Variants in MAX observed in about 807,000 individuals in gnomAD.
MAX encodes the protein MYC associated transcriptional regulator X.
Under a neutral mutation model 22.3 loss-of-function variants are expected in MAX, and 3 were observed. That is an observed-to-expected ratio of 0.13 (90% CI 0.06 to 0.35). MAX has a LOEUF of 0.35. MAX is among the 10% of genes least tolerant of loss of function. The pLI is 1.00. For missense variants in MAX, 119 were observed against 209.4 expected (o/e 0.57, Z 2.66); for synonymous variants, 72 against 77.7 (o/e 0.93, Z 0.39).
intron 3 of MAX, among the ~76,000 whole-genome samples, chr14:65,052,631 T>C (rs941726383): frequency 1.3e-5 from 2 of 152,196 alleles, no homozygotes; most frequent in African/African-American, 4.8e-5. Context: ...TTAGTAGTAT[T>C]ACCAGAATAC....
At chr14:65,042,334 G>A (rs1377337220) in intron 3 of MAX, among the ~76,000 whole-genome samples, 4 of 152,200 alleles carry the variant, frequency 2.6e-5, no homozygotes, top group African/African-American at 9.7e-5. Context: ...CCCTGAGCTT[G>A]TTTTCTTTCA....
At chr14:65,091,321 G>GA (rs1340667281) in intron 3 of MAX, among the ~76,000 whole-genome samples, 1 of 152,212 alleles carries the variant, frequency 6.6e-6, no homozygotes, top group Admixed American at 6.5e-5. Context: ...TTTTAAAGAG[G>GA]AAGAGGTTGA....
intron 2 of MAX, among the ~76,000 whole-genome samples, chr14:65,095,066 C>A (rs781413838): frequency 2.1e-4 from 32 of 152,224 alleles, no homozygotes; most frequent in Admixed American, 1.6e-3. Context: ...AGACAAAAAT[C>A]TATCAAGAGT....
intron 1 of MAX, among the ~76,000 whole-genome samples, chr14:65,102,063 G>A (rs1010448823): frequency 6.6e-6 from 1 of 152,200 alleles, no homozygotes; most frequent in Non-Finnish European, 1.5e-5. Context: ...CCTCCCGCAA[G>A]GGAGGAGGTG....
chr14:65,012,838 ACTTTTCATAT>A lies in MAX; in HGVS notation c.172-6564_172-6555del, dbSNP rs1373638266. Among the ~76,000 whole-genome samples, 11 of 152,250 alleles carry A rather than the reference ACTTTTCATAT, an allele frequency of 7.2e-5. No homozygotes were observed. Among genetic ancestry groups the A allele is most frequent in the African/African-American group, 2.4e-4 (10 of 41,470 alleles). ...CACCACTCCTTCTAGTAAGTACATT[ACTTTTCATAT>A]CTTCATTAAAGAGACAAAAAACCCT... is the stretch of plus-strand genomic sequence containing the variant. On this transcript the variant is annotated intron_variant, in intron 3 of 3. Transcript: ENST00000341653. The surrounding 1 kb of genome is among the most constrained non-coding windows in gnomAD (Gnocchi z 5.0).
intron 3 of MAX, among the ~76,000 whole-genome samples, chr14:65,026,706 C>CA (rs1430077930): frequency 6.6e-6 from 1 of 151,896 alleles, no homozygotes; most frequent in Non-Finnish European, 1.5e-5. Flanking sequence ...ACTGAAAATA[C>CA]AAAAAATTGG....
chr14:65,075,088 C>T (rs2063025177), downstream of MAX: 1 of 1,012,606 alleles, frequency 9.9e-7, no homozygotes, highest in Admixed American at 5.9e-5. This position sits in a 1 kb window ranked among gnomAD's most constrained non-coding sequence, Gnocchi z 4.1. Flanking sequence ...TCATCAACCA[C>T]CTTGGCCTTA....
At chr14:65,083,653 A>G (rs1372355634) in intron 3 of MAX, 3 of 893,696 alleles carry the variant, frequency 3.4e-6, no homozygotes, top group South Asian at 5.0e-5. Context: ...TGCCCAAAAC[A>G]GATGCCAGTG....
chr14:65,015,501 G>GT, intron 3 of MAX: 2 of 557,208 alleles, frequency 3.6e-6, no homozygotes, highest in African/African-American at 2.1e-5. Context: ...ACTGATTGTT[G>GT]TTTGAGCAAG....
chr14:65,025,465 A>G (rs139286355), intron 3 of MAX, among the ~76,000 whole-genome samples: 9 of 152,318 alleles, frequency 5.9e-5, no homozygotes, highest in African/African-American at 2.2e-4. Context: ...AGAATTGATG[A>G]CGATTTGGAA....
chr14:65,058,787 C>T (rs1263380452), intron 3 of MAX, among the ~76,000 whole-genome samples: 2 of 152,058 alleles, frequency 1.3e-5, no homozygotes, highest in Non-Finnish European at 2.9e-5. Context: ...AGGATAAGCC[C>T]TTCTTGGTCA....
intron 3 of MAX, among the ~76,000 whole-genome samples, chr14:65,019,005 C>T (rs1162497428): frequency 6.6e-6 from 1 of 151,792 alleles, no homozygotes; most frequent in Admixed American, 6.6e-5. Flanking sequence ...ACTCAGGAGG[C>T]TGTTTGTTTG....
rs1377716261 is a variant in MAX at position 65,044,154 on chromosome 14, G to A, written c.172-37870C>T. ...TCACTCTGTGTCTATGGCAGTGTGGGGAGGGAAGGAAAGAAAACCAGAGCA... is the reference window on the plus strand; with the variant it reads ...TCACTCTGTGTCTATGGCAGTGTGGAGAGGGAAGGAAAGAAAACCAGAGCA... On this transcript the variant is annotated intron_variant, in intron 3 of 3. Coordinates refer to the MAX transcript ENST00000341653. This position sits in a 1 kb window ranked among gnomAD's most constrained non-coding sequence, Gnocchi z 5.5. Among the ~76,000 whole-genome samples, 1 of 152,170 alleles carries A rather than the reference G, an allele frequency of 6.6e-6. No homozygotes were observed. The highest frequency in any genetic ancestry group is 2.4e-5 in the African/African-American group (1 of 41,428).
At chr14:65,068,824 A>G (rs1052023873) in intron 3 of MAX, among the ~76,000 whole-genome samples, 1 of 152,182 alleles carries the variant, frequency 6.6e-6, no homozygotes, top group African/African-American at 2.4e-5. Context: ...TTGATCACAC[A>G]GTCTTTCCAT....
At position 65,027,460 on chromosome 14, in the gene MAX, C is replaced by A; in HGVS notation, c.172-21176G>T. ...CTTTGGCTGTGTACCTAGTGTGTGT[C>A]AGTTCCTGGAGCTGTGTCAGAGCCC... On this transcript the variant is annotated intron_variant, in intron 3 of 3. Transcript: ENST00000341653. The surrounding 1 kb of genome is among the most constrained non-coding windows in gnomAD (Gnocchi z 5.7). The A allele has an allele frequency of 6.2e-7, 1 of 1,614,094 alleles. No homozygotes were observed. The highest frequency in any genetic ancestry group is 1.1e-5 in the South Asian group (1 of 91,058).
intron 3 of MAX, among the ~76,000 whole-genome samples, chr14:65,018,617 C>T (rs1163185814): frequency 6.6e-6 from 1 of 152,010 alleles, no homozygotes; most frequent in Non-Finnish European, 1.5e-5. Flanking sequence ...CGAGACCAGC[C>T]TGGCCAACAT....
chr14:65,027,868 G>A lies in MAX; in HGVS notation c.172-21584C>T. 3 of 1,554,102 alleles carry A rather than the reference G, an allele frequency of 1.9e-6. No individual in the cohort carries two copies. In the South Asian group the frequency reaches 3.4e-5, roughly 18 times the overall value. The stretch of plus-strand genomic sequence containing the variant: ...GATGCCAAGCCTAAGGAACATCATG[G>A]GGAAGCTGCTGCTTTGTCCCAGAAT... On this transcript the variant is annotated intron_variant, in intron 3 of 3. Transcript: ENST00000341653. This position sits in a 1 kb window ranked among gnomAD's most constrained non-coding sequence, Gnocchi z 5.7.
At position 65,037,752 on chromosome 14, in the gene MAX, ATTTATTTAT is replaced by A. The variant is rs1566562954; in HGVS notation, c.172-31477_172-31469del. ...TTATTTATTTATTTATTATTTATTT[ATTTATTTAT>A]TTATTTATTTATTTATTTATTTATT... On this transcript the variant is annotated intron_variant, in intron 3 of 3. Coordinates refer to the MAX transcript ENST00000341653. 1.8e-3 allele frequency among the ~76,000 whole-genome samples: 186 copies of A among 103,944 alleles called. 2 individuals are homozygous for A. In the South Asian group the frequency reaches 0.021, roughly 12 times the overall value. 68.2% of individuals were successfully genotyped at this position (103,944 alleles called of 152,430 possible). A position where few individuals can be genotyped will look rare whatever the true frequency, so the allele number is the denominator to read the frequency against.
At chr14:65,094,298 T>C (rs145064218) in intron 2 of MAX, 78 of 227,766 alleles carry the variant, frequency 3.4e-4, no homozygotes, top group Middle Eastern at 1.7e-3. Flanking sequence ...ACCATCACCA[T>C]GAGTCCCAAG....
Sources: allele counts gnomAD v4.1 joint callset (sites outside exome capture counted in the v4.1 genomes callset), GRCh38; gene constraint gnomAD v4.1.1; non-coding constraint Gnocchi (gnomAD v3.1); transcripts MANE v1.5; gene names NCBI Gene and HGNC (gene_info 2026-07-23, HGNC 2026-07-21).